The following MSH4 variants were observed in gnomAD, a reference collection of about 807,000 sequenced individuals.
MSH4 encodes the protein mutS homolog 4, also known as mutS protein homolog 4.
A neutral mutation model predicts 113.7 loss-of-function variants in MSH4; 106 were observed. The observed-to-expected ratio is 0.93, with a 90% CI of 0.80 to 1.10. MSH4 has a LOEUF of 1.10. MSH4 is among the 50% of genes least tolerant of loss of function. The pLI is 0.00. For synonymous variants in MSH4, 368 were observed against 380.2 expected, an observed-to-expected ratio of 0.97 and a Z score of 0.37; for missense variants, 1,061 against 1,093.7, an observed-to-expected ratio of 0.97 and a Z score of 0.42.
intron 8 of MSH4, among the ~76,000 whole-genome samples, chr1:75,863,398 A>G (rs929162805): frequency 2.0e-5 from 3 of 152,222 alleles, no homozygotes; most frequent in African/African-American, 7.2e-5. Flanking sequence ...AGAAGGCACA[A>G]GACGCTTGGG....
chr1:75,815,789 G>T (rs1001631159), intron 5 of MSH4, among the ~76,000 whole-genome samples: 1 of 152,020 alleles, frequency 6.6e-6, no homozygotes, highest in Non-Finnish European at 1.5e-5. Context: ...CCAGCACTTC[G>T]GGAGGCCAAG....
chr1:75,899,634 G>A lies in MSH4; in HGVS notation c.2547G>A (p.Glu849=). The change falls in exon 19 of 20, where the codon GAG becomes GAA. Residue 849 remains glutamate, a synonymous_variant. Coordinates refer to ENST00000263187, the MANE Select transcript of MSH4 (RefSeq NM_002440.4). ...TAATTCTAGGATTAAAAGCTGCAGA[G>A]GTGTCATCACTTCCACCATCAATTG... The part of the protein sequence containing the change: ...EEKNYGLKAA[E]VSSLPPSIVL... 2 of 1,502,866 alleles carry A rather than the reference G, an allele frequency of 1.3e-6. No individual in the cohort carries two copies. Among genetic ancestry groups the A allele is most frequent in the African/African-American group, 1.5e-5 (1 of 68,820 alleles). 93.1% of individuals were successfully genotyped at this position (1,502,866 alleles called of 1,614,324 possible). A position where few individuals can be genotyped will look rare whatever the true frequency, so the allele number is the denominator to read the frequency against.
intron 3 of MSH4, 30 bp from the exon 4 acceptor site, chr1:75,810,667 T>G (rs753317030): frequency 9.5e-7 from 1 of 1,050,424 alleles, no homozygotes; most frequent in East Asian, 2.7e-5. Flanking sequence ...TAAGCTTTAT[T>G]TAAGAAATTG....
At chr1:75,811,694 C>A (rs1323809235) in intron 4 of MSH4, among the ~76,000 whole-genome samples, 1 of 152,170 alleles carries the variant, frequency 6.6e-6, no homozygotes, top group Non-Finnish European at 1.5e-5. Context: ...TGGCTCCAAA[C>A]CAAGTAGACA....
chr1:75,811,712 A>T (rs1352959235), intron 4 of MSH4, among the ~76,000 whole-genome samples: 1 of 152,242 alleles, frequency 6.6e-6, no homozygotes, highest in East Asian at 1.9e-4. Flanking sequence ...ACAGCATTGC[A>T]GTTGGAATAA....
Position 75,868,873 on chromosome 1 carries a change from T to C in MSH4, c.1305+1285T>C, listed in dbSNP as rs954146224. The stretch of plus-strand genomic sequence containing the variant: ...GTGAGTCAATTAAACCTTTTTCCTT[T>C]ATAAATTTCCCAGTCTTGGGTATGT... On this transcript the variant is annotated intron_variant, in intron 9 of 19. Transcript: ENST00000263187. Among the ~76,000 whole-genome samples, 7 of 152,240 alleles carry C rather than the reference T, an allele frequency of 4.6e-5. No individual in the cohort carries two copies. The East Asian group carries it at 9.6e-4, about 21-fold the overall frequency.
At chr1:75,871,106 C>A (rs1198245957) in intron 9 of MSH4, among the ~76,000 whole-genome samples, 4 of 152,050 alleles carry the variant, frequency 2.6e-5, no homozygotes, top group African/African-American at 9.7e-5. Flanking sequence ...ACAATCATGG[C>A]AGAAGGAGAA....
chr1:75,803,961 G>A (rs1649999070), intron 2 of MSH4, 48 bp downstream of exon 2: 2 of 1,298,102 alleles, frequency 1.5e-6, no homozygotes, highest in East Asian at 5.4e-5. Flanking sequence ...AAACTTAAAA[G>A]TTTTATAAAT....
chr1:75,861,551 G>A (rs1156838494), intron 8 of MSH4, among the ~76,000 whole-genome samples: 2 of 152,302 alleles, frequency 1.3e-5, no homozygotes, highest in East Asian at 3.9e-4. Context: ...GAGTTTGCTG[G>A]AAGTCCACTC....
Position 75,881,355 on chromosome 1 carries a change from A to C in MSH4, c.1891A>C (p.Thr631Pro). 3 of 1,611,364 alleles carry C rather than the reference A, an allele frequency of 1.9e-6. No homozygotes were observed. Among genetic ancestry groups the C allele is most frequent in the Non-Finnish European group, 2.5e-6 (3 of 1,178,974 alleles). Residue 631 changes from threonine (T) to proline (P), a missense_variant, in exon 14 of 20, where the codon ACT becomes CCT. Thr to Pro is a conservative substitution (Grantham distance 38). Coordinates refer to ENST00000263187, the MANE Select transcript of MSH4 (RefSeq NM_002440.4). ...GCTACTGTCATTTGCTCATGCCTGC[A>C]CTCTTTCTGACTATGGTAAGTTGCT... is the stretch of plus-strand genomic sequence containing the variant. The part of the protein sequence containing the change: ...DMLLSFAHAC[T>P]LSDYVRPEFT...
chr1:75,891,841 A>T (rs1051120619), intron 17 of MSH4, among the ~76,000 whole-genome samples: 4 of 152,218 alleles, frequency 2.6e-5, no homozygotes, highest in Non-Finnish European at 5.9e-5. Context: ...AAATAATATT[A>T]GTCTTTGTAA....
intron 15 of MSH4, among the ~76,000 whole-genome samples, chr1:75,886,696 TATA>T (rs1405807497): frequency 7.6e-6 from 1 of 130,830 alleles, no homozygotes; most frequent in African/African-American, 2.8e-5. Flanking sequence ...TAATGTATAA[TATA>T]TAAATATATT....
chr1:75,857,963 C>T (rs1651357035), intron 8 of MSH4, among the ~76,000 whole-genome samples: 1 of 152,116 alleles, frequency 6.6e-6, no homozygotes, highest in Non-Finnish European at 1.5e-5. Context: ...TTGTAGCTCT[C>T]CTTGAAGAGG....
intron 15 of MSH4, 104 bp from the exon 16 acceptor site, chr1:75,889,147 T>C (rs1652195018): frequency 1.7e-6 from 1 of 604,232 alleles, no homozygotes; most frequent in Non-Finnish European, 2.9e-6. Flanking sequence ...TCTAGTGTTC[T>C]TTCTACCATA....
chr1:75,859,507 A>G (rs1435240881), intron 8 of MSH4, among the ~76,000 whole-genome samples: 6 of 152,012 alleles, frequency 3.9e-5, no homozygotes, highest in South Asian at 2.1e-4. Context: ...TTCTCCCTTC[A>G]TTTTGTTATT....
At chr1:75,831,194 G>A (rs1022820254) in intron 7 of MSH4, among the ~76,000 whole-genome samples, 1 of 152,150 alleles carries the variant, frequency 6.6e-6, no homozygotes, top group Non-Finnish European at 1.5e-5. Flanking sequence ...GACAAAGAAG[G>A]CCATTACATA....
intron 8 of MSH4, among the ~76,000 whole-genome samples, chr1:75,856,259 A>T (rs764839870): frequency 1.3e-5 from 2 of 152,104 alleles, no homozygotes; most frequent in African/African-American, 4.8e-5. Flanking sequence ...TAAAGGGTCA[A>T]TGTTACTTCC....
intron 12 of MSH4, 89 bp from the exon 13 acceptor site, chr1:75,879,961 C>T: frequency 1.5e-6 from 1 of 676,478 alleles, no homozygotes; most frequent in East Asian, 2.8e-5. Flanking sequence ...AAATGATTAA[C>T]CTAAATACCC....
intron 7 of MSH4, among the ~76,000 whole-genome samples, chr1:75,824,766 A>T (rs147105038): frequency 1.3e-5 from 2 of 151,078 alleles, no homozygotes; most frequent in East Asian, 3.9e-4. Flanking sequence ...AGGTTTGTCA[A>T]ACATATGTGG....
Sources: gnomAD v4.1 joint callset for allele counts (sites outside exome capture counted in the v4.1 genomes callset) on GRCh38, gnomAD v4.1.1 for gene constraint, MANE v1.5 for transcripts, NCBI Gene and HGNC (gene_info 2026-07-23, HGNC 2026-07-21) for gene names.